The following PACRG variants were observed in gnomAD, a reference collection of about 807,000 sequenced individuals.
PACRG encodes the protein parkin coregulated, also known as parkin coregulated gene protein.
In PACRG, 29 loss-of-function variants were observed where a neutral mutation model predicts 29.7. The observed-to-expected ratio is 0.98, with a 90% CI of 0.73 to 1.33. The LOEUF is 1.33. PACRG is among the 40% of genes most tolerant of loss of function. The probability of loss-of-function intolerance (pLI) is 0.00; values close to 1 mark genes in which losing one functional copy is unlikely to be tolerated. For missense variants in PACRG, 279 were observed against 316.2 expected (o/e 0.88, Z 0.89); for synonymous variants, 116 against 118.7 (o/e 0.98, Z 0.15).
intron 4 of PACRG, among the ~76,000 whole-genome samples, chr6:163,221,925 G>A (rs978498078): frequency 3.3e-5 from 5 of 152,152 alleles, no homozygotes; most frequent in South Asian, 2.1e-4. Flanking sequence ...TTTCTAATCC[G>A]CAGCTCTGGG....
chr6:162,921,864 C>G (rs1306216500), intron 2 of PACRG, among the ~76,000 whole-genome samples: 1 of 152,120 alleles, frequency 6.6e-6, no homozygotes, highest in African/African-American at 2.4e-5. Context: ...TATTTAGAGA[C>G]ACAGTACACT....
intron 2 of PACRG, among the ~76,000 whole-genome samples, chr6:163,016,870 CTTAT>C (rs932470101): frequency 3.3e-5 from 5 of 151,916 alleles, no homozygotes; most frequent in Non-Finnish European, 7.4e-5. Context: ...ACTAATTTTA[CTTAT>C]TTAGGTCTGT....
chr6:162,963,900 C>A (rs1800829754), intron 2 of PACRG, among the ~76,000 whole-genome samples: 1 of 152,064 alleles, frequency 6.6e-6, no homozygotes, highest in African/African-American at 2.4e-5. Context: ...AAACAATCAC[C>A]TTTCTAGCAC....
At chr6:163,039,639 A>G (rs1489356008) in intron 2 of PACRG, among the ~76,000 whole-genome samples, 1 of 152,356 alleles carries the variant, frequency 6.6e-6, no homozygotes, top group Middle Eastern at 3.4e-3. Flanking sequence ...CACTCTTGCT[A>G]TGCTTTAGCA....
chr6:163,118,231 G>A (rs1473548937), intron 4 of PACRG, among the ~76,000 whole-genome samples: 1 of 152,226 alleles, frequency 6.6e-6, no homozygotes, highest in East Asian at 1.9e-4. Flanking sequence ...TCTGGAGAGA[G>A]GCATTCAATT....
chr6:162,910,033 C>T (rs974732754), intron 2 of PACRG, among the ~76,000 whole-genome samples: 12 of 152,202 alleles, frequency 7.9e-5, no homozygotes, highest in African/African-American at 2.7e-4. Context: ...CAGATTCTTG[C>T]GTCTTCACTT....
chr6:163,283,190 A>C (rs1266131739), intron 4 of PACRG, among the ~76,000 whole-genome samples: 1 of 152,248 alleles, frequency 6.6e-6, no homozygotes. Context: ...GGTGATGTGA[A>C]TGTAAAGAGA....
chr6:162,956,111 C>T (rs2128137051), intron 2 of PACRG, among the ~76,000 whole-genome samples: 1 of 152,200 alleles, frequency 6.6e-6, no homozygotes, highest in African/African-American at 2.4e-5. Context: ...AACCATGACT[C>T]GTGTTAAGGT....
chr6:162,791,082 T>A (rs937080873), intron 1 of PACRG, among the ~76,000 whole-genome samples: 2 of 152,226 alleles, frequency 1.3e-5, no homozygotes, highest in Non-Finnish European at 2.9e-5. Flanking sequence ...TTAGGTAGAA[T>A]TAGGATGTTG....
intron 2 of PACRG, among the ~76,000 whole-genome samples, chr6:163,019,422 G>A (rs1562836808): frequency 6.6e-6 from 1 of 152,056 alleles, no homozygotes; most frequent in Non-Finnish European, 1.5e-5. Flanking sequence ...TCTGGACCTG[G>A]GCAGCTCCGC....
At chr6:162,925,272 C>T (rs1422202928) in intron 2 of PACRG, among the ~76,000 whole-genome samples, 1 of 152,086 alleles carries the variant, frequency 6.6e-6, no homozygotes, top group Non-Finnish European at 1.5e-5. Context: ...TGAAAATATT[C>T]CAAACAACTG....
intron 2 of PACRG, among the ~76,000 whole-genome samples, chr6:162,822,558 G>C (rs1787929484): frequency 6.6e-6 from 1 of 152,098 alleles, no homozygotes; most frequent in African/African-American, 2.4e-5. Context: ...GAATTTCCAA[G>C]ATTGGGTTCT....
chr6:163,239,998 AC>A (rs1782424232), intron 4 of PACRG, among the ~76,000 whole-genome samples: 1 of 124,634 alleles, frequency 8.0e-6, no homozygotes, highest in African/African-American at 3.2e-5. Flanking sequence ...ACACACTCAC[AC>A]CCCCATGCCC....
intron 3 of PACRG, among the ~76,000 whole-genome samples, chr6:163,077,230 T>C (rs1440694242): frequency 6.6e-6 from 1 of 152,200 alleles, no homozygotes; most frequent in Non-Finnish European, 1.5e-5. Flanking sequence ...CTACATTCTC[T>C]CACGTGATTC....
At chr6:162,839,368 T>G (rs1789544669) in intron 2 of PACRG, among the ~76,000 whole-genome samples, 1 of 129,754 alleles carries the variant, frequency 7.7e-6, no homozygotes, top group South Asian at 2.8e-4. Flanking sequence ...TTTTCATGTG[T>G]TTTTTGGCTG....
At chr6:162,940,764 G>A (rs969840598) in intron 2 of PACRG, among the ~76,000 whole-genome samples, 3 of 152,080 alleles carry the variant, frequency 2.0e-5, no homozygotes, top group African/African-American at 4.8e-5. Flanking sequence ...TATCATTGGA[G>A]GGGTGAAATG....
At position 162,947,623 on chromosome 6, in the gene PACRG, T is replaced by TATATATAATC. The variant is rs1554313401; in HGVS notation, c.292-114520_292-114519insATCATATATA. Among the ~76,000 whole-genome samples the TATATATAATC allele has an allele frequency of 1.6e-3, 54 of 33,854 alleles. 4 individuals carry two copies. The highest frequency in any genetic ancestry group is 5.1e-3 in the African/African-American group (53 of 10,364). 22.2% of individuals were successfully genotyped at this position (33,854 alleles called of 152,430 possible). ...ATATATATATAATCATATATATATA[T>TATATATAATC]ATATATATATATATATATATATATA... On this transcript the variant is annotated intron_variant, in intron 2 of 4. Transcript: ENST00000366888.
intron 4 of PACRG, among the ~76,000 whole-genome samples, chr6:163,229,942 G>A (rs1423814871): frequency 6.6e-6 from 1 of 152,120 alleles, no homozygotes; most frequent in African/African-American, 2.4e-5. Flanking sequence ...TAACCTGATG[G>A]TGAAATTATT....
intron 4 of PACRG, among the ~76,000 whole-genome samples, chr6:163,242,366 G>A (rs531430808): frequency 5.3e-5 from 8 of 152,238 alleles, no homozygotes; most frequent in East Asian, 1.9e-4. Context: ...GCAAATTATC[G>A]CATAGGGCAA....
Sources: gnomAD v4.1 joint callset for allele counts (sites outside exome capture counted in the v4.1 genomes callset) on GRCh38, gnomAD v4.1.1 for gene constraint, MANE v1.5 for transcripts, NCBI Gene and HGNC (gene_info 2026-07-23, HGNC 2026-07-21) for gene names.